The following COL10A1 variants were observed in gnomAD, a reference collection of about 807,000 sequenced individuals.
COL10A1 encodes collagen alpha-1(X) chain.
In COL10A1, 10 loss-of-function variants were observed where a neutral mutation model predicts 18.2. That is an observed-to-expected ratio of 0.55 (90% confidence interval 0.34 to 0.93). The LOEUF (loss-of-function observed/expected upper bound fraction) is 0.93, where lower values mean the gene tolerates loss of function less well. Among genes scored for constraint, COL10A1 ranks in the 40% least tolerant of loss-of-function variants. The probability of loss-of-function intolerance (pLI) is 0.02; values close to 1 mark genes in which losing one functional copy is unlikely to be tolerated. For synonymous variants in COL10A1, 330 were observed against 316.6 expected (o/e 1.04, Z -0.45); for missense variants, 897 against 853.5 (o/e 1.05, Z -0.64).
chr6:116,124,506 A>G (rs2114304512), intron 2 of COL10A1, among the ~76,000 whole-genome samples: 1 of 152,348 alleles, frequency 6.6e-6, no homozygotes, highest in South Asian at 2.1e-4. Flanking sequence ...CAGATTCAAG[A>G]AGAAAGTTAA....
At chr6:116,183,570 G>C in the COL10A1 span, among the ~76,000 whole-genome samples, 10 of 151,786 alleles carry the variant, frequency 6.6e-5, no homozygotes, top group Admixed American at 1.3e-4. Context: ...ATTTCTTTCA[G>C]CAATGTTTTG....
intron 1 of COL10A1, among the ~76,000 whole-genome samples, chr6:116,143,137 A>G (rs1433691070): frequency 6.6e-6 from 1 of 152,218 alleles, no homozygotes; most frequent in Non-Finnish European, 1.5e-5. Context: ...CCTCTGGCAT[A>G]GATAAACACT....
the COL10A1 span, among the ~76,000 whole-genome samples, chr6:116,182,769 G>A: frequency 2.0e-5 from 3 of 151,888 alleles, no homozygotes; most frequent in Non-Finnish European, 4.4e-5. Flanking sequence ...TGAGTTCCTT[G>A]TAGAGTCTAG....
the COL10A1 span, among the ~76,000 whole-genome samples, chr6:116,213,570 T>A: frequency 6.6e-6 from 1 of 152,130 alleles, no homozygotes; most frequent in Non-Finnish European, 1.5e-5. Flanking sequence ...TCTAGACATA[T>A]GAGGTGGGAG....
chr6:116,134,554 T>G (rs1779542175), intron 1 of COL10A1, among the ~76,000 whole-genome samples: 1 of 152,134 alleles, frequency 6.6e-6, no homozygotes, highest in Non-Finnish European at 1.5e-5. Context: ...CAGATTTCCA[T>G]GTTTATTGAG....
chr6:116,122,943 A>G (rs1473855371), intron 2 of COL10A1, among the ~76,000 whole-genome samples: 2 of 152,224 alleles, frequency 1.3e-5, no homozygotes, highest in Admixed American at 6.5e-5. Flanking sequence ...AAATTTATGT[A>G]AAAGATTTCC....
intron 1 of COL10A1, among the ~76,000 whole-genome samples, chr6:116,138,657 ATAG>A (rs1233123836): frequency 6.6e-6 from 1 of 152,216 alleles, no homozygotes; most frequent in Non-Finnish European, 1.5e-5. Flanking sequence ...AAAAGGCAGA[ATAG>A]TATGACTAAA....
chr6:116,143,342 C>A (rs1582831227), intron 1 of COL10A1, among the ~76,000 whole-genome samples: 1 of 152,232 alleles, frequency 6.6e-6, no homozygotes, highest in East Asian at 1.9e-4. Context: ...TCTCAAGTAG[C>A]TGGGATTATA....
intron 1 of COL10A1, among the ~76,000 whole-genome samples, chr6:116,150,016 G>A (rs1779997584): frequency 6.6e-6 from 1 of 152,154 alleles, no homozygotes; most frequent in Non-Finnish European, 1.5e-5. Context: ...CCAAAGTACT[G>A]TTGAGGAGCT....
chr6:116,215,152 T>G, the COL10A1 span, among the ~76,000 whole-genome samples: 1 of 152,142 alleles, frequency 6.6e-6, no homozygotes, highest in Admixed American at 6.6e-5. Context: ...CTCTACAATC[T>G]AATCACCTAA....
At chr6:116,139,226 A>AT (rs1364488701) in intron 1 of COL10A1, among the ~76,000 whole-genome samples, 1 of 152,108 alleles carries the variant, frequency 6.6e-6, no homozygotes, top group Non-Finnish European at 1.5e-5. Context: ...CAAAGTGTGG[A>AT]TTTTTTGGGG....
chr6:116,153,275 T>C (rs1447796160), intron 1 of COL10A1, among the ~76,000 whole-genome samples: 1 of 152,084 alleles, frequency 6.6e-6, no homozygotes, highest in Non-Finnish European at 1.5e-5. Context: ...ATAAGACACA[T>C]AAAAGATCAG....
intron 1 of COL10A1, among the ~76,000 whole-genome samples, chr6:116,146,403 A>G (rs1230741993): frequency 2.0e-5 from 3 of 152,162 alleles, no homozygotes; most frequent in Non-Finnish European, 4.4e-5. Context: ...GTAAGAAGGA[A>G]TTTCTCAGAA....
upstream of COL10A1, among the ~76,000 whole-genome samples, chr6:116,161,114 T>G (rs1393791614): frequency 6.7e-6 from 1 of 148,840 alleles, no homozygotes; most frequent in African/African-American, 2.5e-5. Context: ...CACCGCATGT[T>G]CTCACTCATA....
At chr6:116,127,419 T>C (rs990191985), upstream of COL10A1, among the ~76,000 whole-genome samples, 1 of 152,174 alleles carries the variant, frequency 6.6e-6, no homozygotes, top group Admixed American at 6.5e-5. Flanking sequence ...TGTATATATC[T>C]CTGTATAATA....
chr6:116,139,445 T>G (rs546971504), intron 1 of COL10A1, among the ~76,000 whole-genome samples: 1 of 152,176 alleles, frequency 6.6e-6, no homozygotes, highest in South Asian at 2.1e-4. Context: ...TATACTTTTT[T>G]TAACTTTCAG....
At chr6:116,161,336 TATA>T (rs944632900), upstream of COL10A1, among the ~76,000 whole-genome samples, 5 of 151,628 alleles carry the variant, frequency 3.3e-5, no homozygotes, top group South Asian at 2.1e-4. Flanking sequence ...AAACTTAAAG[TATA>T]ATAATAATAA....
the COL10A1 span, among the ~76,000 whole-genome samples, chr6:116,177,242 T>C: frequency 6.6e-6 from 1 of 152,218 alleles, no homozygotes; most frequent in African/African-American, 2.4e-5. Flanking sequence ...GTTTCTTTGC[T>C]ATTTCCCTTG....
the COL10A1 span, among the ~76,000 whole-genome samples, chr6:116,201,445 G>A: frequency 1.3e-5 from 2 of 151,950 alleles, no homozygotes; most frequent in East Asian, 1.9e-4. Flanking sequence ...TCTGTAATCC[G>A]TTGGTGGAGA....
Sources: allele counts gnomAD v4.1 joint callset (sites outside exome capture counted in the v4.1 genomes callset), GRCh38; gene constraint gnomAD v4.1.1; transcripts MANE v1.5; gene names NCBI Gene and HGNC (gene_info 2026-07-23, HGNC 2026-07-21).